QRICH1: variants seen among roughly 807,000 people sequenced by gnomAD.
QRICH1 encodes transcriptional regulator QRICH1.
Under a neutral mutation model 87.1 loss-of-function variants are expected in QRICH1, and 16 were observed. The observed-to-expected ratio is 0.18, with a 90% CI of 0.12 to 0.28. The LOEUF is 0.28. QRICH1 is among the 10% of genes least tolerant of loss of function. The pLI is 1.00. For missense variants in QRICH1, 647 were observed against 951.7 expected, an observed-to-expected ratio of 0.68 and a Z score of 4.21; for synonymous variants, 367 against 368.4, an observed-to-expected ratio of 1.00 and a Z score of 0.05.
intron 2 of QRICH1, among the ~76,000 whole-genome samples, chr3:49,068,862 C>G (rs1046714895): frequency 1.3e-5 from 2 of 151,706 alleles, no homozygotes; most frequent in Non-Finnish European, 2.9e-5. Flanking sequence ...AACTCCTGAG[C>G]TCAAGCAATC....
intron 2 of QRICH1, 186 bp from the exon 3 acceptor site, chr3:49,058,076 C>A: frequency 9.9e-7 from 1 of 1,010,940 alleles, no homozygotes; most frequent in Non-Finnish European, 1.4e-6. Flanking sequence ...CAGCACATTA[C>A]AATAACAGGG....
chr3:49,055,135 T>A (rs1218066076), intron 3 of QRICH1, among the ~76,000 whole-genome samples: 4 of 152,176 alleles, frequency 2.6e-5, no homozygotes, highest in African/African-American at 9.6e-5. Context: ...CAGCTAGATA[T>A]TTAGCAGGTC....
At chr3:49,073,974 G>T (rs551281694) in intron 2 of QRICH1, among the ~76,000 whole-genome samples, 1 of 151,900 alleles carries the variant, frequency 6.6e-6, no homozygotes. Flanking sequence ...GTAGAGACGG[G>T]GTTTTGCCAT....
intron 1 of QRICH1, among the ~76,000 whole-genome samples, chr3:49,089,417 T>C (rs2042230719): frequency 6.6e-6 from 1 of 152,146 alleles, no homozygotes; most frequent in South Asian, 2.1e-4. Flanking sequence ...TATTGACGGA[T>C]TGTAAACTGG....
rs1244613984 is a variant in QRICH1, at chr3:49,064,227, G to A, written c.310-6337C>T. Among the ~76,000 whole-genome samples, 4 of 148,986 alleles carry A rather than the reference G, an allele frequency of 2.7e-5. No homozygotes were observed. In the East Asian group the frequency reaches 8.0e-4, roughly 30 times the overall value. ...ATTATAGGCGTGAGCCACCATGGCT[G>A]GCCCTAATTTTTTTTTTTTTTTTTT... On this transcript the variant is annotated intron_variant, in intron 2 of 9. Transcript: ENST00000395443.
intron 6 of QRICH1, among the ~76,000 whole-genome samples, chr3:49,035,927 A>C (rs1313096611): frequency 6.6e-6 from 1 of 151,678 alleles, no homozygotes; most frequent in African/African-American, 2.4e-5. Flanking sequence ...AAAAAAAAAA[A>C]ACAAAAACTA....
intron 4 of QRICH1, among the ~76,000 whole-genome samples, 195 bp downstream of exon 4, chr3:49,046,873 CA>C (rs1185399043): frequency 1.3e-5 from 2 of 152,158 alleles, no homozygotes; most frequent in Admixed American, 6.6e-5. Flanking sequence ...TGGTTTTGGG[CA>C]AACCCCACAT....
chr3:49,037,189 T>G (rs2093280909), intron 6 of QRICH1, among the ~76,000 whole-genome samples: 1 of 151,328 alleles, frequency 6.6e-6, no homozygotes, highest in Non-Finnish European at 1.5e-5. Flanking sequence ...GATTCAGACA[T>G]TATGGGCACT....
Position 49,032,664 on chromosome 3 carries a change from G to A in QRICH1, c.2005C>T (p.Arg669Trp). 6.2e-7 allele frequency: 1 copy of A among 1,611,070 alleles called. No individual in the cohort carries two copies. The change falls in exon 8 of 10, where the codon CGG becomes TGG. Residue 669 changes from arginine to tryptophan, a missense_variant. Transcript: ENST00000395443. ...TGTATTCCAAGGGCCTTCAAGTACC[G>A]GATACTCGTGCTTTTATCCTTGGGA... The part of the protein sequence containing the change: ...SNPKDKSTSI[R>W]YLKALGIHQT...
chr3:49,065,977 T>G (rs1342409549), intron 2 of QRICH1, among the ~76,000 whole-genome samples: 2 of 152,124 alleles, frequency 1.3e-5, no homozygotes, highest in Non-Finnish European at 2.9e-5. Flanking sequence ...ACGAGTCTCT[T>G]GAACTACCAT....
chr3:49,044,652 T>C (rs1166339948), intron 5 of QRICH1, 148 bp from the exon 6 acceptor site: 4 of 586,418 alleles, frequency 6.8e-6, no homozygotes, highest in Admixed American at 3.3e-5. Flanking sequence ...GACACTTCCA[T>C]AGTATGCCTA....
At chr3:49,036,995 T>C (rs1229724067) in intron 6 of QRICH1, among the ~76,000 whole-genome samples, 2 of 148,734 alleles carry the variant, frequency 1.3e-5, no homozygotes, top group Non-Finnish European at 3.0e-5. Context: ...GCCCAGGAGG[T>C]TGAGGCTACA....
At chr3:49,090,338 A>G (rs2107057244) in intron 1 of QRICH1, among the ~76,000 whole-genome samples, 1 of 152,322 alleles carries the variant, frequency 6.6e-6, no homozygotes, top group African/African-American at 2.4e-5. Context: ...AGGCACCTGC[A>G]GTCCCAGCTA....
At chr3:49,085,846 A>G (rs910339488) in intron 1 of QRICH1, among the ~76,000 whole-genome samples, 2 of 152,126 alleles carry the variant, frequency 1.3e-5, no homozygotes, top group African/African-American at 2.4e-5. Context: ...GATGCTGCAC[A>G]TAAGACACAA....
intron 1 of QRICH1, among the ~76,000 whole-genome samples, chr3:49,080,966 CAAAA>C (rs34230924): frequency 3.2e-4 from 8 of 24,796 alleles, no homozygotes; most frequent in Non-Finnish European, 5.2e-4. Flanking sequence ...AACTCCATCT[CAAAA>C]AAAAAAAAAA....
Position 49,056,874 on chromosome 3 carries a change from T to C in QRICH1, c.1326A>G (p.Gln442=), listed in dbSNP as rs1428262609. 6.2e-7 allele frequency: 1 copy of C among 1,614,168 alleles called. No individual in the cohort carries two copies. The highest frequency in any genetic ancestry group is 1.1e-5 in the South Asian group (1 of 91,088). Residue 442 remains glutamine, a synonymous_variant, in exon 3 of 10, where the codon CAA becomes CAG. Transcript: ENST00000395443. The stretch of plus-strand genomic sequence containing the variant: ...AGTCTTCACTTACTGAACAAGTAAC[T>C]TGGAGTTGCTGCTGCTGCTGCTGTG... The part of the protein sequence containing the change: ...PPPQQQQQQL[Q]VTCSAQTVQV...
intron 3 of QRICH1, chr3:49,056,660 T>G (rs2093404091): frequency 3.0e-6 from 3 of 987,192 alleles, no homozygotes. Flanking sequence ...GCCATCTCAT[T>G]TACCTCCAGG....
At chr3:49,082,787 C>T (rs1333058128) in intron 1 of QRICH1, among the ~76,000 whole-genome samples, 3 of 149,848 alleles carry the variant, frequency 2.0e-5, no homozygotes, top group Admixed American at 6.7e-5. Context: ...CCCAGCTACT[C>T]GGGAGGCTGA....
chr3:49,078,500 T>C (rs1012221689), intron 1 of QRICH1, among the ~76,000 whole-genome samples: 2 of 136,406 alleles, frequency 1.5e-5, no homozygotes, highest in African/African-American at 5.3e-5. Context: ...GTTCACACCA[T>C]TCTCCTGCCT....
Sources: gnomAD v4.1 joint callset for allele counts (sites outside exome capture counted in the v4.1 genomes callset) on GRCh38, gnomAD v4.1.1 for gene constraint, MANE v1.5 for transcripts, NCBI Gene and HGNC (gene_info 2026-07-23, HGNC 2026-07-21) for gene names.